Variants in TFAP2B observed in about 807,000 individuals in gnomAD.
TFAP2B encodes transcription factor AP-2-beta.
Under a neutral mutation model 44.3 loss-of-function variants are expected in TFAP2B, and 9 were observed. The ratio of observed to expected loss-of-function variants is 0.20; its 90% CI spans 0.12 to 0.35. TFAP2B has a LOEUF of 0.35. TFAP2B is among the 10% of genes least tolerant of loss of function. The pLI is 1.00. For missense variants in TFAP2B, 509 were observed against 600.0 expected, an observed-to-expected ratio of 0.85 and a Z score of 1.59; for synonymous variants, 270 against 263.8, an observed-to-expected ratio of 1.02 and a Z score of -0.23.
At chr6:50,831,976 C>A (rs1186197351) in intron 3 of TFAP2B, among the ~76,000 whole-genome samples, 3 of 152,198 alleles carry the variant, frequency 2.0e-5, no homozygotes, top group Non-Finnish European at 4.4e-5. Flanking sequence ...CTGGCCCCTT[C>A]CCCACATAAA....
intron 1 of TFAP2B, among the ~76,000 whole-genome samples, chr6:50,821,435 C>T (rs1022400365): frequency 1.3e-5 from 2 of 152,122 alleles, no homozygotes; most frequent in Admixed American, 6.5e-5. Context: ...CACAAAGCAC[C>T]CAAGGCGACC....
intron 4 of TFAP2B, 93 bp downstream of exon 4, chr6:50,836,373 C>G: frequency 3.5e-6 from 4 of 1,149,656 alleles, no homozygotes; most frequent in Non-Finnish European, 5.0e-6. Flanking sequence ...AAGGTTCCAG[C>G]AAAACCCAAT....
chr6:50,818,910 G>C lies in TFAP2B; in HGVS notation c.19G>C (p.Asp7His), dbSNP rs2113920449. ...CACATGAATGCACTCACCTCCTAGAGACCAGGCTGCCATCATGCTCTGGAA... is the reference window on the plus strand; with the variant it reads ...CACATGAATGCACTCACCTCCTAGACACCAGGCTGCCATCATGCTCTGGAA... MHSPPRDQAAIMLWKLV... is the reference protein window; with the variant it reads MHSPPRHQAAIMLWKLV... The change falls in exon 1 of 7, where the codon GAC becomes CAC. Residue 7 changes from aspartate (D) to histidine (H), a missense_variant. Physicochemically the swap from Asp to His is moderately conservative, Grantham distance 81. Coordinates refer to ENST00000393655, the MANE Select transcript of TFAP2B (RefSeq NM_003221.4). 1.2e-6 allele frequency: 2 copies of C among 1,614,080 alleles called. No individual in the cohort carries two copies. Among genetic ancestry groups the C allele is most frequent in the South Asian group, 2.2e-5 (2 of 91,070 alleles).
chr6:50,838,949 T>A (rs151286402), intron 5 of TFAP2B, among the ~76,000 whole-genome samples: 1 of 152,208 alleles, frequency 6.6e-6, no homozygotes, highest in East Asian at 1.9e-4. Flanking sequence ...CTGTAGAGAG[T>A]TGGTTTTAGA....
At chr6:50,833,653 A>C (rs971917263) in intron 3 of TFAP2B, among the ~76,000 whole-genome samples, 2 of 152,224 alleles carry the variant, frequency 1.3e-5, no homozygotes, top group Non-Finnish European at 2.9e-5. Flanking sequence ...GGCAGGGAGC[A>C]ATATACATTC....
chr6:50,821,571 G>A (rs1438828407), intron 1 of TFAP2B, among the ~76,000 whole-genome samples: 1 of 152,032 alleles, frequency 6.6e-6, no homozygotes, highest in Non-Finnish European at 1.5e-5. Flanking sequence ...TCGTGTCCCC[G>A]GCACAGTTAA....
chr6:50,840,459 A>G (rs756936776), intron 6 of TFAP2B, among the ~76,000 whole-genome samples, 162 bp downstream of exon 6: 4 of 152,204 alleles, frequency 2.6e-5, no homozygotes, highest in African/African-American at 4.8e-5. Context: ...GATGGGCTAC[A>G]GGTTTGTCTC....
intron 1 of TFAP2B, among the ~76,000 whole-genome samples, chr6:50,820,264 G>T (rs944274328): frequency 1.3e-4 from 20 of 152,212 alleles, no homozygotes; most frequent in Non-Finnish European, 1.9e-4. Flanking sequence ...GACAGCTCCT[G>T]AAAGCCCGGC....
intron 1 of TFAP2B, chr6:50,821,977 G>GA (rs1770362614): frequency 9.4e-6 from 2 of 213,054 alleles, no homozygotes; most frequent in African/African-American, 1.5e-4. Context: ...TTGTTGGGGT[G>GA]GGGGGCGGGT....
chr6:50,829,111 A>C (rs931527782), intron 3 of TFAP2B, among the ~76,000 whole-genome samples: 1 of 152,122 alleles, frequency 6.6e-6, no homozygotes, highest in Admixed American at 6.5e-5. Context: ...TTTTGGTGAT[A>C]ATTTTGTTCC....
At chr6:50,832,590 A>G (rs1203484910) in intron 3 of TFAP2B, among the ~76,000 whole-genome samples, 2 of 152,180 alleles carry the variant, frequency 1.3e-5, no homozygotes, top group Non-Finnish European at 2.9e-5. Flanking sequence ...GGCCACTTTG[A>G]GTCAGTGCTA....
In TFAP2B at chr6:50,836,107, C is replaced by T; in HGVS notation, c.648C>T (p.Asp216=). ...KSVTSLMMNK[D]GFLGGMSVNT... ...TGACTTCTCTAATGATGAATAAAGA[C>T]GGCTTCCTGGGAGGCATGTCTGTCA... The change falls in exon 4 of 7, where the codon GAC becomes GAT. Residue 216 remains aspartate (D), a synonymous_variant. Coordinates refer to ENST00000393655, the MANE Select transcript of TFAP2B (RefSeq NM_003221.4). 1 of 1,614,144 alleles carries T rather than the reference C, an allele frequency of 6.2e-7. No homozygotes were observed. The highest frequency in any genetic ancestry group is 1.6e-4 in the Middle Eastern group (1 of 6,062).
At chr6:50,828,790 T>C in intron 3 of TFAP2B, 111 bp downstream of exon 3, 2 of 1,287,738 alleles carry the variant, frequency 1.6e-6, no homozygotes, top group Non-Finnish European at 2.2e-6. Context: ...TAAATGTTTG[T>C]TCACAATTAT....
intron 6 of TFAP2B, among the ~76,000 whole-genome samples, chr6:50,842,242 C>G (rs1048959049): frequency 1.3e-5 from 2 of 152,218 alleles, no homozygotes; most frequent in Admixed American, 1.3e-4. Context: ...ACCATCCCAT[C>G]CAGCTCCTAT....
intron 2 of TFAP2B, among the ~76,000 whole-genome samples, chr6:50,825,254 G>T (rs1377046689): frequency 9.9e-5 from 15 of 151,812 alleles, no homozygotes; most frequent in African/African-American, 2.9e-4. Flanking sequence ...TAGAGATATT[G>T]CTCATTTCTG....
chr6:50,836,294 GAAAAACAAAAAC>G lies in TFAP2B; in HGVS notation c.821+26_821+37del, dbSNP rs762672184. The G allele has an allele frequency of 1.1e-5, 17 of 1,604,224 alleles. No individual in the cohort carries two copies. The highest frequency in any genetic ancestry group is 1.4e-5 in the Non-Finnish European group (17 of 1,173,348). On this transcript the variant is annotated intron_variant, in intron 4 of 6. Transcript: ENST00000393655. ...AGTCCTCAGAAGGTAACCCCACCACGAAAAACAAAAACAAAAACAAAAAAACAAACAAAAACC... is the reference window on the plus strand; with the variant it reads ...AGTCCTCAGAAGGTAACCCCACCACGAAAAACAAAAAAACAAACAAAAACC...
In TFAP2B at chr6:50,846,145, A is replaced by T. The variant is rs1762844818; in HGVS notation, c.*2753A>T. 1 of 152,590 alleles carries T rather than the reference A, an allele frequency of 6.6e-6. No individual in the cohort carries two copies. The highest frequency in any genetic ancestry group is 1.5e-5 in the Non-Finnish European group (1 of 68,082). The allele number at this position is 152,590 out of a possible 1,614,324, so 9.5% of individuals were successfully genotyped here. ...CAAGGCAGGGTACCTTCATTGCCAG[A>T]CGCCCTCATTTGTGTGTTCCTCCTT... is the stretch of plus-strand genomic sequence containing the variant. On this transcript the variant is annotated 3_prime_UTR_variant, in exon 7 of 7. Coordinates refer to ENST00000393655, the MANE Select transcript of TFAP2B (RefSeq NM_003221.4).
Position 50,843,541 on chromosome 6 carries a change from T to A in TFAP2B, c.*149T>A. 1 of 859,124 alleles carries A rather than the reference T, an allele frequency of 1.2e-6. No individual in the cohort carries two copies. Among genetic ancestry groups the A allele is most frequent in the Non-Finnish European group, 1.7e-6 (1 of 572,202 alleles). 53.2% of individuals were successfully genotyped at this position (859,124 alleles called of 1,614,324 possible). A position where few individuals can be genotyped will look rare whatever the true frequency, so the allele number is the denominator to read the frequency against. Reference sequence around the variant, plus strand: ...CAATCAAAATTTTAAAAAAAAAAGCTAAATAACTTAAAAAAAAACTGAGGC... The same window carrying A: ...CAATCAAAATTTTAAAAAAAAAAGCAAAATAACTTAAAAAAAAACTGAGGC... On this transcript the variant is annotated 3_prime_UTR_variant, in exon 7 of 7. Coordinates refer to ENST00000393655, the MANE Select transcript of TFAP2B (RefSeq NM_003221.4).
chr6:50,830,547 T>C (rs1358199695), intron 3 of TFAP2B, among the ~76,000 whole-genome samples: 1 of 152,242 alleles, frequency 6.6e-6, no homozygotes, highest in Non-Finnish European at 1.5e-5. Flanking sequence ...ATGTGCAGCT[T>C]AAAATATTTA....
Sources: allele counts gnomAD v4.1 joint callset (sites outside exome capture counted in the v4.1 genomes callset), GRCh38; gene constraint gnomAD v4.1.1; transcripts MANE v1.5; gene names NCBI Gene and HGNC (gene_info 2026-07-23, HGNC 2026-07-21).